Variants in DNAH11 observed in about 807,000 individuals in gnomAD.
The protein encoded by DNAH11 is axonemal beta dynein heavy chain 11.
DNAH11 carries 442 observed loss-of-function variants against 526.0 expected under a neutral mutation model. That is an observed-to-expected ratio of 0.84 (90% confidence interval 0.78 to 0.91). DNAH11 has a LOEUF of 0.91. Among genes scored for constraint, DNAH11 ranks in the 40% least tolerant of loss-of-function variants. The probability of loss-of-function intolerance (pLI) is 0.00; values close to 1 mark genes in which losing one functional copy is unlikely to be tolerated. For missense variants in DNAH11, 6,989 were observed against 5,448.7 expected, an observed-to-expected ratio of 1.28 and a Z score of -8.90; for synonymous variants, 2,461 against 1,935.9, an observed-to-expected ratio of 1.27 and a Z score of -7.12.
In DNAH11 at chr7:21,765,610, T is replaced by TCAGACACACACACACACACA. The variant is rs71557520; in HGVS notation, c.9102+23_9102+24insGACACACACACACACACACA. The TCAGACACACACACACACACA allele has an allele frequency of 3.1e-6, 3 of 956,506 alleles. No homozygotes were observed. In the African/African-American group the frequency reaches 4.7e-5, roughly 15 times the overall value. The allele number at this position is 956,506 out of a possible 1,614,324, so 59.3% of individuals were successfully genotyped here. On this transcript the variant is annotated intron_variant, in intron 55 of 81. Coordinates refer to ENST00000409508, the MANE Select transcript of DNAH11 (RefSeq NM_001277115.2). ...TTGAGGTATGCCGTGTCAGCCTGCG[T>TCAGACACACACACACACACA]CACACACACACACACACACACACAC...
chr7:21,660,201 A>G (rs984164693), intron 30 of DNAH11, among the ~76,000 whole-genome samples: 1 of 152,082 alleles, frequency 6.6e-6, no homozygotes, highest in African/African-American at 2.4e-5. Context: ...CAATTCTGCT[A>G]TGCCTTTCTT....
At chr7:21,789,374 C>G in intron 61 of DNAH11, 32 bp downstream of exon 61, 1 of 1,488,666 alleles carries the variant, frequency 6.7e-7, no homozygotes. Flanking sequence ...GAAAAGGTTC[C>G]CAAGAGGTGG....
At chr7:21,673,697 A>G (rs1782737138) in intron 30 of DNAH11, among the ~76,000 whole-genome samples, 1 of 152,090 alleles carries the variant, frequency 6.6e-6, no homozygotes, top group South Asian at 2.1e-4. Context: ...TCAAAACAAA[A>G]TAATAACCAA....
At position 21,600,721 on chromosome 7, in the gene DNAH11, A is replaced by T. The variant is rs750498728; in HGVS notation, c.3046A>T (p.Ile1016Phe). The T allele has an allele frequency of 3.7e-6, 6 of 1,613,670 alleles. No individual in the cohort carries two copies. In the Admixed American group the frequency reaches 1.0e-4, roughly 27 times the overall value. Reference protein sequence around the residue: ...MLGLAEVRQEIMNRVVNVINK... With the variant: ...MLGLAEVRQEFMNRVVNVINK... ...AGGCCTGGCAGAGGTCAGGCAGGAG[A>T]TCATGAACAGAGTGGTGAATGTCAT... Residue 1016 changes from isoleucine (I) to phenylalanine (F), a missense_variant, in exon 16 of 82, where the codon ATC becomes TTC. Transcript: ENST00000409508.
chr7:21,558,099 A>G (rs1783293906), intron 2 of DNAH11, among the ~76,000 whole-genome samples: 1 of 152,222 alleles, frequency 6.6e-6, no homozygotes, highest in Non-Finnish European at 1.5e-5. Context: ...CAAGTTTTAT[A>G]GTAAAATGTT....
chr7:21,636,137 G>T, intron 26 of DNAH11, 42 bp downstream of exon 26: 7 of 1,495,964 alleles, frequency 4.7e-6, no homozygotes, highest in Non-Finnish European at 4.5e-6. Context: ...GCAAAGTTTT[G>T]TAAAGTAACA....
At chr7:21,900,244 C>CTCATT in intron 81 of DNAH11, 124 bp downstream of exon 81, 1 of 1,072,818 alleles carries the variant, frequency 9.3e-7, no homozygotes, top group Non-Finnish European at 1.3e-6. Context: ...TAGTCATTAT[C>CTCATT]TCATTTCTTC....
intron 2 of DNAH11, among the ~76,000 whole-genome samples, chr7:21,554,185 T>G (rs1452295690): frequency 6.6e-6 from 1 of 151,218 alleles, no homozygotes; most frequent in Non-Finnish European, 1.5e-5. Context: ...TTTTTTTTTT[T>G]TTTTTTTAGG....
At chr7:21,858,585 G>C (rs1409677621) in intron 68 of DNAH11, among the ~76,000 whole-genome samples, 8 of 152,166 alleles carry the variant, frequency 5.3e-5, no homozygotes, top group African/African-American at 1.9e-4. Flanking sequence ...GTCACCAAAC[G>C]ATTATGTTGA....
intron 35 of DNAH11, among the ~76,000 whole-genome samples, chr7:21,694,234 A>C (rs924773640): frequency 3.9e-5 from 6 of 152,098 alleles, no homozygotes; most frequent in African/African-American, 1.2e-4. Context: ...CAGAATGTGC[A>C]GGTTTGTTAC....
intron 14 of DNAH11, among the ~76,000 whole-genome samples, chr7:21,591,834 T>C (rs1219021813): frequency 6.6e-6 from 1 of 152,186 alleles, no homozygotes; most frequent in African/African-American, 2.4e-5. Context: ...GATAGAATCT[T>C]TATCTTGTCA....
Position 21,735,787 on chromosome 7 carries a change from G to A in DNAH11, c.7588G>A (p.Asp2530Asn), listed in dbSNP as rs754521497. 7 of 1,613,846 alleles carry A rather than the reference G, an allele frequency of 4.3e-6. No homozygotes were observed. The highest frequency in any genetic ancestry group is 1.3e-5 in the African/African-American group (1 of 74,920). ...TGACACATTGGCAAGTCTCTCTGAG[G>A]ATTACATAGTATCCCGTGTGCCTTT... The part of the protein sequence containing the change: ...VGDTLASLSE[D>N]YIVSRVPFNY... Residue 2530 changes from aspartate to asparagine, a missense_variant, in exon 46 of 82, where the codon GAT becomes AAT. Physicochemically the swap from Asp to Asn is conservative, Grantham distance 23 (BLOSUM62 1). Transcript: ENST00000409508.
intron 40 of DNAH11, among the ~76,000 whole-genome samples, chr7:21,710,326 G>T: frequency 6.6e-6 from 1 of 152,160 alleles, no homozygotes; most frequent in East Asian, 1.9e-4. Context: ...TGGCATATGG[G>T]AAGCTCAGTC....
Position 21,543,481 on chromosome 7 carries a change from A to C in DNAH11, c.236A>C (p.Gln79Pro), listed in dbSNP as rs1191097137. ...MLGFTEEKWS[Q>P]YLESEDNRQV... ...GGGTTCACGGAGGAGAAATGGAGCC[A>C]GTATTTGGAAAGCGAGGACAACCGG... Residue 79 changes from glutamine to proline, a missense_variant, in exon 1 of 82, where the codon CAG becomes CCG. Gln to Pro is a moderately conservative substitution (Grantham distance 76, BLOSUM62 -1). Coordinates refer to ENST00000409508, the MANE Select transcript of DNAH11 (RefSeq NM_001277115.2). The C allele has an allele frequency of 5.0e-6, 8 of 1,599,000 alleles. No homozygotes were observed.
intron 28 of DNAH11, among the ~76,000 whole-genome samples, chr7:21,650,346 T>C (rs776977115): frequency 5.3e-5 from 8 of 152,116 alleles, no homozygotes; most frequent in Non-Finnish European, 1.2e-4. Context: ...AATATAGAAA[T>C]ACATTAAAAA....
intron 72 of DNAH11, among the ~76,000 whole-genome samples, chr7:21,868,305 G>T (rs1256537106): frequency 6.6e-6 from 1 of 152,060 alleles, no homozygotes; most frequent in African/African-American, 2.4e-5. Flanking sequence ...TGTGCCCCCT[G>T]TGACTAAATA....
intron 3 of DNAH11, 86 bp downstream of exon 3, chr7:21,559,084 G>T: frequency 8.4e-7 from 1 of 1,192,870 alleles, no homozygotes; most frequent in Non-Finnish European, 1.2e-6. Context: ...CAGCAATTTG[G>T]AGGCTGAGGT....
At chr7:21,767,401 C>A (rs1787227394) in intron 55 of DNAH11, among the ~76,000 whole-genome samples, 1 of 152,060 alleles carries the variant, frequency 6.6e-6, no homozygotes, top group Non-Finnish European at 1.5e-5. Flanking sequence ...TTTTTCCTGT[C>A]CAGGTGGGTG....
intron 55 of DNAH11, among the ~76,000 whole-genome samples, chr7:21,773,374 A>T (rs1396206593): frequency 3.0e-4 from 42 of 142,038 alleles, no homozygotes; most frequent in African/African-American, 1.0e-3. Context: ...TTGCAGGGTT[A>T]TTGCTTCTCT....
Sources: allele counts gnomAD v4.1 joint callset (sites outside exome capture counted in the v4.1 genomes callset), GRCh38; gene constraint gnomAD v4.1.1; transcripts MANE v1.5; gene names NCBI Gene and HGNC (gene_info 2026-07-23, HGNC 2026-07-21).